Variants in PUS10 observed in about 807,000 individuals in gnomAD.
PUS10 encodes pseudouridine synthase 10, also known as tRNA pseudouridine synthase Pus10.
In PUS10, 59 loss-of-function variants were observed where a neutral mutation model predicts 75.0. That is an observed-to-expected ratio of 0.79 (90% CI 0.64 to 0.98). The LOEUF is 0.98. PUS10 is among the 50% of genes least tolerant of loss of function. PUS10 has a pLI of 0.00. For missense variants in PUS10, 650 were observed against 614.4 expected, an observed-to-expected ratio of 1.06 and a Z score of -0.61; for synonymous variants, 219 against 211.6, an observed-to-expected ratio of 1.03 and a Z score of -0.30.
chr2:60,942,572 A>G (rs1674684832), intron 17 of PUS10, 139 bp from the exon 18 acceptor site: 2 of 673,842 alleles, frequency 3.0e-6, no homozygotes, highest in Non-Finnish European at 5.2e-6. Flanking sequence ...ATTGAATACC[A>G]TAAATTAACC....
chr2:61,009,021 A>C lies in PUS10; in HGVS notation c.127-6T>G. On this transcript the variant is annotated splice_region_variant and splice_polypyrimidine_tract_variant and intron_variant, in intron 2 of 17. Transcript: ENST00000316752. Reference sequence around the variant, plus strand: ...TGTAGTTCATTGAGCAACTCCTGGAAAGTTAATGAAAGAAAAAGTAATGAC... The same window carrying C: ...TGTAGTTCATTGAGCAACTCCTGGACAGTTAATGAAAGAAAAAGTAATGAC... 2 of 1,603,662 alleles carry C rather than the reference A, an allele frequency of 1.2e-6. No individual in the cohort carries two copies. Among genetic ancestry groups the C allele is most frequent in the Non-Finnish European group, 1.7e-6 (2 of 1,176,352 alleles).
rs1676252843 is a variant in PUS10, at chr2:60,965,072, C to T, written c.709G>A (p.Ala237Thr). Residue 237 changes from alanine (A) to threonine (T), a missense_variant, in exon 8 of 18, where the codon GCC becomes ACC. Physicochemically the swap from Ala to Thr is moderately conservative, Grantham distance 58. Transcript: ENST00000316752. The stretch of plus-strand genomic sequence containing the variant: ...CCTTTCCTTACCTGTTTGTTTTTGG[C>T]TGGCTTAAAACAATCTGGGCATATC... ...AAICPDCFKP[A>T]KNKQSVFTRM... is the part of the protein sequence containing the mutation. 6.2e-7 allele frequency: 1 copy of T among 1,613,644 alleles called. No individual in the cohort carries two copies. The highest frequency in any genetic ancestry group is 8.5e-7 in the Non-Finnish European group (1 of 1,179,714).
intron 5 of PUS10, among the ~76,000 whole-genome samples, chr2:60,970,946 G>T (rs1360258710): frequency 6.6e-6 from 1 of 152,100 alleles, no homozygotes; most frequent in Non-Finnish European, 1.5e-5. Flanking sequence ...TTGGGAGGCC[G>T]AGGCGGGTGA....
intron 4 of PUS10, among the ~76,000 whole-genome samples, chr2:60,985,798 G>C (rs1264694065): frequency 6.6e-6 from 1 of 152,062 alleles, no homozygotes; most frequent in East Asian, 1.9e-4. Flanking sequence ...CACTGCACCC[G>C]GCCTTTTCTC....
At chr2:60,958,865 A>G (rs1022618711) in intron 11 of PUS10, among the ~76,000 whole-genome samples, 2 of 152,154 alleles carry the variant, frequency 1.3e-5, no homozygotes, top group East Asian at 3.8e-4. Flanking sequence ...GAGCCTGGGC[A>G]ACAAAGTAAG....
chr2:60,981,954 G>A (rs1051593980), intron 4 of PUS10, among the ~76,000 whole-genome samples: 1 of 151,710 alleles, frequency 6.6e-6, no homozygotes, highest in African/African-American at 2.4e-5. Context: ...CAATTTTGAA[G>A]GAAAGTAAAG....
intron 4 of PUS10, among the ~76,000 whole-genome samples, chr2:61,003,157 T>C (rs902296376): frequency 6.6e-6 from 1 of 152,150 alleles, no homozygotes; most frequent in Non-Finnish European, 1.5e-5. Context: ...GCTTTTATAA[T>C]GATGATAAAT....
At chr2:60,993,556 AG>A (rs751707113) in intron 4 of PUS10, among the ~76,000 whole-genome samples, 4 of 152,226 alleles carry the variant, frequency 2.6e-5, no homozygotes, top group Admixed American at 6.5e-5. Flanking sequence ...AATGGCAAGG[AG>A]AAAGATACTC....
chr2:60,970,644 A>T (rs1175178923), intron 5 of PUS10, among the ~76,000 whole-genome samples: 4 of 152,112 alleles, frequency 2.6e-5, no homozygotes, highest in Non-Finnish European at 5.9e-5. Context: ...GTACCACCCC[A>T]GAGCCTGGGC....
intron 4 of PUS10, among the ~76,000 whole-genome samples, chr2:61,002,359 C>T (rs577936387): frequency 7.2e-5 from 11 of 152,304 alleles, no homozygotes; most frequent in Admixed American, 6.5e-4. Flanking sequence ...ATTCATTAGC[C>T]TTTGTGATTA....
chr2:60,992,881 G>A lies in PUS10; in HGVS notation c.468+13676C>T, dbSNP rs182412058. On this transcript the variant is annotated intron_variant, in intron 4 of 17. Transcript: ENST00000316752. ...AAAGGTTTTGATCATACTCGATACC[G>A]CAACATTTACTTACACAAGTAGCTT... Among the ~76,000 whole-genome samples the A allele has an allele frequency of 6.6e-5, 10 of 152,216 alleles. No homozygotes were observed. The East Asian group carries it at 1.7e-3, about 26-fold the overall frequency.
chr2:60,961,766 C>T (rs559463477), intron 9 of PUS10, among the ~76,000 whole-genome samples: 10 of 152,298 alleles, frequency 6.6e-5, no homozygotes, highest in Admixed American at 1.3e-4. Flanking sequence ...CTTTCACCTT[C>T]GGGAGGACTT....
At chr2:61,002,900 C>A (rs1324763715) in intron 4 of PUS10, among the ~76,000 whole-genome samples, 1 of 152,190 alleles carries the variant, frequency 6.6e-6, no homozygotes, top group Non-Finnish European at 1.5e-5. Flanking sequence ...TGAATACCGC[C>A]TTTATTTATT....
At chr2:60,962,393 G>A (rs1423324514) in intron 9 of PUS10, among the ~76,000 whole-genome samples, 2 of 152,074 alleles carry the variant, frequency 1.3e-5, no homozygotes, top group Admixed American at 6.6e-5. Flanking sequence ...CCAACGTGGC[G>A]AAACCCTGTC....
At chr2:60,989,142 C>T (rs79067665) in intron 4 of PUS10, among the ~76,000 whole-genome samples, 2,518 of 152,154 alleles carry the variant, frequency 0.017, 16 homozygotes, top group Non-Finnish European at 0.026. Context: ...AATGAATACT[C>T]CACAATAAAA....
intron 8 of PUS10, among the ~76,000 whole-genome samples, chr2:60,963,190 G>T (rs1254785691): frequency 6.6e-6 from 1 of 152,150 alleles, no homozygotes; most frequent in African/African-American, 2.4e-5. Context: ...TCAAATTATG[G>T]TATAATTCAA....
At chr2:61,006,916 T>C (rs13395832) in intron 3 of PUS10, among the ~76,000 whole-genome samples, 3,313 of 152,268 alleles carry the variant, frequency 0.022, 135 homozygotes, top group African/African-American at 0.075. Flanking sequence ...AGGTCACCCC[T>C]AACTTTCAAA....
intron 4 of PUS10, among the ~76,000 whole-genome samples, chr2:60,983,685 A>C (rs537334239): frequency 6.6e-6 from 1 of 152,298 alleles, no homozygotes. Flanking sequence ...CTCAAAAAAA[A>C]AAAAATTAGA....
In PUS10 at chr2:60,961,496, T is replaced by C; in HGVS notation, c.841A>G (p.Ile281Val). The C allele has an allele frequency of 6.2e-7, 1 of 1,614,164 alleles. No homozygotes were observed. Among genetic ancestry groups the C allele is most frequent in the Non-Finnish European group, 8.5e-7 (1 of 1,180,012 alleles). Residue 281 changes from isoleucine (I) to valine (V), a missense_variant, in exon 10 of 18, where the codon ATT (isoleucine) becomes GTT (valine). Ile to Val is a conservative substitution (Grantham distance 29). Coordinates refer to ENST00000316752, the MANE Select transcript of PUS10 (RefSeq NM_144709.4). ...AAAACAGCACCATGAGCACATTCAA[T>C]TTCAAGAACAGCGCATACAGCCTTT... ...SPKAVCAVLE[I>V]ECAHGAVFVA...
Sources: gnomAD v4.1 joint callset for allele counts (sites outside exome capture counted in the v4.1 genomes callset) on GRCh38, gnomAD v4.1.1 for gene constraint, MANE v1.5 for transcripts, NCBI Gene and HGNC (gene_info 2026-07-23, HGNC 2026-07-21) for gene names.